HSPG2: variants seen among roughly 807,000 people sequenced by gnomAD.
HSPG2 encodes the protein heparan sulfate proteoglycan 2.
HSPG2 carries 278 observed loss-of-function variants against 526.6 expected under a neutral mutation model. The observed-to-expected ratio is 0.53, with a 90% CI of 0.48 to 0.58. HSPG2 has a LOEUF of 0.58. Among genes scored for constraint, HSPG2 ranks in the 20% least tolerant of loss-of-function variants. The probability of loss-of-function intolerance (pLI) is 0.00; values close to 1 mark genes in which losing one functional copy is unlikely to be tolerated. For missense variants in HSPG2, 5,354 were observed against 6,099.5 expected (o/e 0.88, Z 4.07); for synonymous variants, 2,465 against 2,555.4 (o/e 0.96, Z 1.07).
chr1:21,830,299 G>A, intron 85 of HSPG2: 1 of 596,860 alleles, frequency 1.7e-6, no homozygotes, highest in Non-Finnish European at 3.0e-6. Context: ...AAGCAGTCGA[G>A]GGACTCTGTG....
At chr1:21,935,291 G>A (rs1203758428) in intron 1 of HSPG2, among the ~76,000 whole-genome samples, 1 of 152,216 alleles carries the variant, frequency 6.6e-6, no homozygotes, top group African/African-American at 2.4e-5. Context: ...GGGTGGGACA[G>A]CGACCCTCCA....
Position 21,885,309 on chromosome 1 carries a change from T to A in HSPG2, c.1210+11A>T, listed in dbSNP as rs775803939. 3.0e-5 allele frequency: 48 copies of A among 1,613,898 alleles called. No individual in the cohort carries two copies. The highest frequency in any genetic ancestry group is 3.9e-5 in the Non-Finnish European group (46 of 1,179,976). ...CCAGGGCCCGCATCTCGACCCCAGC[T>A]CCCTGCTCACTGCAGCCAAACTCGT... On this transcript the variant is annotated intron_variant, in intron 10 of 96. Transcript: ENST00000374695.
chr1:21,927,579 G>A (rs1199459125), intron 1 of HSPG2, among the ~76,000 whole-genome samples: 2 of 151,804 alleles, frequency 1.3e-5, no homozygotes, highest in East Asian at 3.9e-4. Flanking sequence ...CATCCTTTCT[G>A]CACCCATGGG....
Position 21,874,019 on chromosome 1 carries a change from T to C in HSPG2, c.3657-8A>G, listed in dbSNP as rs751495736. ...AAACAAGTGTGGGCAGCCCTGAGTG[T>C]GGGGGCAGATTTCTAGTCAGGAACG... On this transcript the variant is annotated splice_region_variant and splice_polypyrimidine_tract_variant and intron_variant, in intron 28 of 96. Coordinates refer to ENST00000374695, the MANE Select transcript of HSPG2 (RefSeq NM_005529.7). 1 of 1,594,080 alleles carries C rather than the reference T, an allele frequency of 6.3e-7. No homozygotes were observed. Among genetic ancestry groups the C allele is most frequent in the Non-Finnish European group, 8.6e-7 (1 of 1,169,290 alleles).
Position 21,850,187 on chromosome 1 carries a change from C to T in HSPG2, c.7300G>A (p.Gly2434Arg), listed in dbSNP as rs372361312. ...TCGATCCGGACCGTGGGGGTGACCCCAAGTGCTGGGGACAGAGGGCAAAGG... is the reference window on the plus strand; with the variant it reads ...TCGATCCGGACCGTGGGGGTGACCCTAAGTGCTGGGGACAGAGGGCAAAGG... ...IEPAGSVPAL[G>R]VTPTVRIESS... The change falls in exon 57 of 97, where the codon GGG (glycine) becomes AGG (arginine). Residue 2434 changes from glycine to arginine, a missense_variant. Transcript: ENST00000374695. 6.2e-7 allele frequency: 1 copy of T among 1,613,362 alleles called. No individual in the cohort carries two copies. The highest frequency in any genetic ancestry group is 1.3e-5 in the African/African-American group (1 of 75,084).
chr1:21,865,064 G>A lies in HSPG2; in HGVS notation c.4405C>T (p.Arg1469Cys), dbSNP rs772534384. 18 of 1,562,824 alleles carry A rather than the reference G, an allele frequency of 1.2e-5. No homozygotes were observed. In the South Asian group the frequency reaches 1.4e-4, roughly 12 times the overall value. The change falls in exon 36 of 97, where the codon CGC becomes TGC. Residue 1469 changes from arginine to cysteine, a missense_variant. Coordinates refer to ENST00000374695, the MANE Select transcript of HSPG2 (RefSeq NM_005529.7). This position sits in a 1 kb window ranked among gnomAD's most constrained non-coding sequence, Gnocchi z 5.4. The stretch of plus-strand genomic sequence containing the variant: ...GTGGCCGGCTGCCCATCGGGCCGGC[G>A]CCAGAATTCCTGGGTTGGGGGTGGC... The part of the protein sequence containing the change: ...YEIMFREEFW[R>C]RPDGQPATRE...
intron 16 of HSPG2, 50 bp from the exon 17 acceptor site, chr1:21,880,304 C>T (rs764617487): frequency 1.4e-5 from 23 of 1,613,934 alleles, no homozygotes; most frequent in East Asian, 2.2e-5. Context: ...GAGGCCCTGC[C>T]GTTTCTCCTC....
intron 33 of HSPG2, chr1:21,868,943 G>A (rs993559323): frequency 2.0e-6 from 2 of 981,928 alleles, no homozygotes; most frequent in Admixed American, 1.3e-4. Flanking sequence ...AGGAAGCAGA[G>A]AGAAGCCTTC....
chr1:21,850,041 C>G lies in HSPG2; in HGVS notation c.7446G>C (p.Gln2482His), dbSNP rs1638763924. 1.9e-6 allele frequency: 3 copies of G among 1,613,042 alleles called. No homozygotes were observed. Among genetic ancestry groups the G allele is most frequent in the Non-Finnish European group, 2.5e-6 (3 of 1,179,994 alleles). ...KRGGSLPARH[Q>H]VHGSRLRLLQ... ...GGCTTCCTGAGCTCCTGCCTCCTAC[C>G]TGGTGCCGGGCCGGGAGGCTGCCCC... is the stretch of plus-strand genomic sequence containing the variant. Residue 2482 changes from glutamine (Q) to histidine (H), a missense_variant and splice_region_variant, in exon 57 of 97, where the codon CAG becomes CAC. By Grantham distance (24) the Gln-to-His change is conservative. Transcript: ENST00000374695.
At chr1:21,876,769 G>T in intron 21 of HSPG2, 117 bp from the exon 22 acceptor site, 1 of 1,346,320 alleles carries the variant, frequency 7.4e-7, no homozygotes, top group Non-Finnish European at 1.0e-6. Flanking sequence ...CACTGAAAGA[G>T]CACATGTGGC....
intron 74 of HSPG2, among the ~76,000 whole-genome samples, chr1:21,837,932 T>TC (rs1170236605): frequency 2.0e-5 from 3 of 151,748 alleles, no homozygotes; most frequent in Admixed American, 2.0e-4. Context: ...GGTCAGGAGT[T>TC]CGAGACCAGC....
chr1:21,828,512 G>A lies in HSPG2; in HGVS notation c.12238-86C>T, dbSNP rs2097986890. On this transcript the variant is annotated intron_variant, in intron 88 of 96. Transcript: ENST00000374695. This position sits in a 1 kb window ranked among gnomAD's most constrained non-coding sequence, Gnocchi z 6.0. ...CAGCAGGGAGAAGAATGCAGCAGAG[G>A]GGAGCTGGGAGCCCACATTGGGCCC... The A allele has an allele frequency of 7.8e-6, 11 of 1,410,830 alleles. No individual in the cohort carries two copies. The East Asian group carries it at 2.5e-4, about 32-fold the overall frequency. The allele number at this position is 1,410,830 out of a possible 1,614,324, so 87.4% of individuals were successfully genotyped here.
Position 21,865,423 on chromosome 1 carries a change from T to C in HSPG2, c.4315-58A>G. On this transcript the variant is annotated intron_variant, in intron 34 of 96. Coordinates refer to ENST00000374695, the MANE Select transcript of HSPG2 (RefSeq NM_005529.7). This position sits in a 1 kb window ranked among gnomAD's most constrained non-coding sequence, Gnocchi z 5.4. ...CCGAGGGGTCCCTGGGGTGCCAGGG[T>C]GTCCTCCACCAGTCCTAGATTCTCT... The C allele has an allele frequency of 1.4e-5, 21 of 1,475,098 alleles. No homozygotes were observed. The highest frequency in any genetic ancestry group is 2.0e-5 in the Non-Finnish European group (21 of 1,054,690). The allele number at this position is 1,475,098 out of a possible 1,614,324, so 91.4% of individuals were successfully genotyped here. A position where few individuals can be genotyped will look rare whatever the true frequency, so the allele number is the denominator to read the frequency against.
At chr1:21,835,746 G>A in intron 75 of HSPG2, 109 bp from the exon 76 acceptor site, 1 of 751,650 alleles carries the variant, frequency 1.3e-6, no homozygotes, top group South Asian at 1.5e-5. Context: ...CACTTTGGGA[G>A]GCTGAGGCAG....
chr1:21,831,231 C>G lies in HSPG2; in HGVS notation c.11546G>C (p.Arg3849Pro), dbSNP rs144525987. Residue 3849 changes from arginine to proline, a missense_variant, in exon 84 of 97, where the codon CGG becomes CCG. Physicochemically the swap from Arg to Pro is moderately radical, Grantham distance 103. Transcript: ENST00000374695. ...AHGISHCPTC[R>P]DRPCQNGGQC... The stretch of plus-strand genomic sequence containing the variant: ...TGGGGTCACCTGGCAGGGCCGGTCC[C>G]GACAGGTGGGGCAGTGGGAGATGCC... 2.5e-5 allele frequency: 41 copies of G among 1,613,756 alleles called. No homozygotes were observed. In the African/African-American group the frequency reaches 4.4e-4, roughly 17 times the overall value.
At chr1:21,922,326 T>A (rs1223862361) in intron 1 of HSPG2, among the ~76,000 whole-genome samples, 1 of 152,164 alleles carries the variant, frequency 6.6e-6, no homozygotes, top group African/African-American at 2.4e-5. Context: ...TGTCCCAAAG[T>A]GCAACCTGCA....
Position 21,884,820 on chromosome 1 carries a change from C to T in HSPG2, c.1454G>A (p.Arg485Gln), listed in dbSNP as rs767486562. 1.6e-5 allele frequency: 26 copies of T among 1,613,820 alleles called. No individual in the cohort carries two copies. Among genetic ancestry groups the T allele is most frequent in the Middle Eastern group, 1.6e-4 (1 of 6,062 alleles). ...GAYTCEAMNARGMVFGIPDGV... is the reference protein window; with the variant it reads ...GAYTCEAMNAQGMVFGIPDGV... The stretch of plus-strand genomic sequence containing the variant: ...GTCAGGAATGCCAAACACCATGCCC[C>T]GGGCGTTCATGGCCTCACAGGTGTA... Residue 485 changes from arginine to glutamine, a missense_variant, in exon 12 of 97, where the codon CGG becomes CAG. Physicochemically the swap from Arg to Gln is conservative, Grantham distance 43. Coordinates refer to ENST00000374695, the MANE Select transcript of HSPG2 (RefSeq NM_005529.7).
chr1:21,899,713 C>T (rs550945559), intron 1 of HSPG2, among the ~76,000 whole-genome samples: 14 of 152,336 alleles, frequency 9.2e-5, no homozygotes, highest in African/African-American at 3.4e-4. Flanking sequence ...CCTAGTATCA[C>T]CTGAGTTGAC....
chr1:21,924,977 G>T (rs1036618092), intron 1 of HSPG2, among the ~76,000 whole-genome samples: 1 of 152,172 alleles, frequency 6.6e-6, no homozygotes, highest in Non-Finnish European at 1.5e-5. Flanking sequence ...ACTTTGAGTT[G>T]TGTTGGGCAC....
Sources: gnomAD v4.1 joint callset for allele counts (sites outside exome capture counted in the v4.1 genomes callset) on GRCh38, gnomAD v4.1.1 for gene constraint, Gnocchi (gnomAD v3.1) non-coding constraint, MANE v1.5 for transcripts, NCBI Gene and HGNC (gene_info 2026-07-23, HGNC 2026-07-21) for gene names.